The following UBE4A variants were observed in gnomAD, a reference collection of about 807,000 sequenced individuals.
UBE4A encodes ubiquitination factor E4A, also known as ubiquitin conjugation factor E4 A.
In UBE4A, 48 loss-of-function variants were observed where a neutral mutation model predicts 117.9. That is an observed-to-expected ratio of 0.41 (90% confidence interval 0.32 to 0.52). The LOEUF is 0.52. Ranked by LOEUF, UBE4A falls within the 20% of genes least tolerant of loss-of-function variation. The pLI is 0.33. For synonymous variants in UBE4A, 407 were observed against 450.0 expected (o/e 0.90, Z 1.21); for missense variants, 1,067 against 1,296.3 (o/e 0.82, Z 2.72).
rs1172308958 is a variant in UBE4A at position 118,384,581 on chromosome 11, C to T, written c.2198-54C>T. ...GCAAATGGCTACACATAAGCATAAA[C>T]TCTTCCTCTTATGGCACCGCCTTTG... On this transcript the variant is annotated intron_variant, in intron 13 of 19. Transcript: ENST00000252108. 37 of 1,508,860 alleles carry T rather than the reference C, an allele frequency of 2.5e-5. No homozygotes were observed. In the Middle Eastern group the frequency reaches 5.1e-4, roughly 21 times the overall value. 93.5% of individuals were successfully genotyped at this position (1,508,860 alleles called of 1,614,324 possible). A position where few individuals can be genotyped will look rare whatever the true frequency, so the allele number is the denominator to read the frequency against.
At chr11:118,392,208 G>A (rs1292520048) in intron 18 of UBE4A, among the ~76,000 whole-genome samples, 3 of 152,120 alleles carry the variant, frequency 2.0e-5, no homozygotes, top group East Asian at 3.9e-4. Context: ...TATTGAGTTG[G>A]ACTTCATCTT....
At position 118,376,578 on chromosome 11, in the gene UBE4A, G is replaced by A; in HGVS notation, c.1455G>A (p.Leu485=). The change falls in exon 10 of 20, where the codon TTG becomes TTA. Residue 485 remains leucine, a synonymous_variant. Transcript: ENST00000252108. ...TTTTTTTTTAACTTCTTTGAGGTTT[G>A]GACAAAGAAACCTGTTTGATCCCAG... ...RKIKNVHMRG[L]DKETCLIPAV... The A allele has an allele frequency of 6.2e-7, 1 of 1,611,238 alleles. No individual in the cohort carries two copies. Among genetic ancestry groups the A allele is most frequent in the Non-Finnish European group, 8.5e-7 (1 of 1,178,960 alleles).
At chr11:118,392,184 T>G (rs1338136539) in intron 18 of UBE4A, among the ~76,000 whole-genome samples, 2 of 152,218 alleles carry the variant, frequency 1.3e-5, no homozygotes, top group African/African-American at 2.4e-5. Flanking sequence ...CTTCCCTCTA[T>G]TGAGTTTCTT....
intron 18 of UBE4A, among the ~76,000 whole-genome samples, chr11:118,392,122 G>A (rs1948824826): frequency 6.6e-6 from 1 of 152,156 alleles, no homozygotes; most frequent in Non-Finnish European, 1.5e-5. Context: ...GTAAGAAGAA[G>A]GAAGATCATG....
intron 19 of UBE4A, 124 bp from the exon 20 acceptor site, chr11:118,396,190 T>G (rs1948870788): frequency 4.9e-6 from 6 of 1,233,524 alleles, no homozygotes; most frequent in Non-Finnish European, 6.5e-6. Flanking sequence ...ACTCGGCATT[T>G]GACTCAAAGT....
chr11:118,368,923 G>GAGTTCCAGGGAGT, intron 3 of UBE4A, 119 bp downstream of exon 3: 1 of 997,724 alleles, frequency 1.0e-6, no homozygotes, highest in Non-Finnish European at 1.5e-6. Context: ...TGCACTCCCT[G>GAGTTCCAGGGAGT]GAACTCAGGG....
intron 1 of UBE4A, among the ~76,000 whole-genome samples, chr11:118,360,836 C>G (rs1015129502): frequency 6.6e-5 from 10 of 152,014 alleles, no homozygotes; most frequent in African/African-American, 2.4e-4. Flanking sequence ...AACTTGTTTT[C>G]AAGGAGGATA....
chr11:118,384,965 AAAAG>A lies in UBE4A; in HGVS notation c.2412+22_2412+25del, dbSNP rs782720691. On this transcript the variant is annotated intron_variant, in intron 15 of 19. Transcript: ENST00000252108. The stretch of plus-strand genomic sequence containing the variant: ...ATACAGGTAAAAAAAAAAAAAAAAA[AAAAG>A]ATTTAACTTCTCCATACCATCAAAT... 2.2e-4 allele frequency: 339 copies of A among 1,518,976 alleles called. No homozygotes were observed. Among genetic ancestry groups the A allele is most frequent in the Non-Finnish European group, 2.6e-4 (295 of 1,113,912 alleles). 94.1% of individuals were successfully genotyped at this position (1,518,976 alleles called of 1,614,324 possible).
chr11:118,388,330 C>T (rs1288119169), intron 16 of UBE4A, among the ~76,000 whole-genome samples: 1 of 152,084 alleles, frequency 6.6e-6, no homozygotes, highest in Non-Finnish European at 1.5e-5. Flanking sequence ...TGCCCTATAA[C>T]ATAGCAGTTC....
At chr11:118,360,046 G>A (rs1015754128) in intron 1 of UBE4A, among the ~76,000 whole-genome samples, 3 of 152,194 alleles carry the variant, frequency 2.0e-5, no homozygotes, top group African/African-American at 7.2e-5. Flanking sequence ...AAAATATAAA[G>A]AGTAGATAAC....
chr11:118,385,011 A>G, intron 15 of UBE4A, 66 bp downstream of exon 15: 1 of 1,412,016 alleles, frequency 7.1e-7, no homozygotes. Context: ...CAGTACATAC[A>G]TTTTACCTTT....
chr11:118,395,458 G>A (rs1368610974), intron 19 of UBE4A, among the ~76,000 whole-genome samples: 1 of 152,158 alleles, frequency 6.6e-6, no homozygotes, highest in Non-Finnish European at 1.5e-5. Context: ...TTATGTATAG[G>A]CCAAGACAGT....
chr11:118,369,532 G>T lies in UBE4A; in HGVS notation c.405G>T (p.Glu135Asp), dbSNP rs150311731. The T allele has an allele frequency of 1.9e-6, 3 of 1,613,132 alleles. No homozygotes were observed. The African/African-American group carries it at 4.0e-5, about 22-fold the overall frequency. The change falls in exon 4 of 20, where the codon GAG becomes GAT. Residue 135 changes from glutamate to aspartate, a missense_variant. Physicochemically the swap from Glu to Asp is conservative, Grantham distance 45 (BLOSUM62 2). This residue lies in a region of UBE4A where 1,001 missense variants were observed against 1,184.0 expected (regional missense o/e 0.85). Coordinates refer to ENST00000252108, the MANE Select transcript of UBE4A (RefSeq NM_001204077.2). ...ACTGGCTTGATATGAGCAATGTTGAGCAGGTAATATTCTTACGTTCCTAAT... is the reference window on the plus strand; with the variant it reads ...ACTGGCTTGATATGAGCAATGTTGATCAGGTAATATTCTTACGTTCCTAAT... ...DQDWLDMSNV[E>D]QALFARLLLQ... is the part of the protein sequence containing the mutation.
In UBE4A at chr11:118,371,603, A is replaced by C. The variant is rs879101447; in HGVS notation, c.498A>C (p.Arg166=). Residue 166 remains arginine, a synonymous_variant, in exon 5 of 20, where the codon CGA becomes CGC. Transcript: ENST00000252108. ...SSTTLNLSAD[R]DAGERHIFCY... ...CAACGCTAAATCTCTCTGCTGATCG[A>C]GATGCAGGAGAGAGGCACATTTTTT... 1.2e-6 allele frequency: 2 copies of C among 1,614,006 alleles called. No homozygotes were observed. The highest frequency in any genetic ancestry group is 2.2e-5 in the South Asian group (2 of 91,086).
chr11:118,395,842 A>G (rs1948866096), intron 19 of UBE4A, among the ~76,000 whole-genome samples: 1 of 152,196 alleles, frequency 6.6e-6, no homozygotes, highest in African/African-American at 2.4e-5. Flanking sequence ...TGGGAGGCCA[A>G]GGCTGGTGGA....
At chr11:118,369,619 C>A in intron 4 of UBE4A, 84 bp downstream of exon 4, 1 of 902,634 alleles carries the variant, frequency 1.1e-6, no homozygotes, top group South Asian at 1.5e-5. Flanking sequence ...CCAACTTATG[C>A]TTGTGTCCAT....
At chr11:118,362,940 C>T (rs1253993857) in intron 1 of UBE4A, among the ~76,000 whole-genome samples, 2 of 152,106 alleles carry the variant, frequency 1.3e-5, no homozygotes, top group Non-Finnish European at 2.9e-5. Context: ...ACTGGTCAGC[C>T]TCTTCTGGAT....
chr11:118,372,459 C>G, intron 5 of UBE4A, 48 bp from the exon 6 acceptor site: 8 of 1,555,086 alleles, frequency 5.1e-6, no homozygotes, highest in Non-Finnish European at 6.9e-6. Context: ...ACTTTCGTTC[C>G]AGATTACAGA....
intron 11 of UBE4A, among the ~76,000 whole-genome samples, chr11:118,380,690 A>G (rs183949906): frequency 2.6e-5 from 4 of 152,204 alleles, no homozygotes; most frequent in African/African-American, 7.2e-5. Flanking sequence ...CAAGCTGTCA[A>G]TCAGGGCCTT....
Sources: gnomAD v4.1 joint callset for allele counts (sites outside exome capture counted in the v4.1 genomes callset) on GRCh38, gnomAD v4.1.1 for gene constraint, gnomAD v4.1.1 regional missense constraint, MANE v1.5 for transcripts, NCBI Gene and HGNC (gene_info 2026-07-23, HGNC 2026-07-21) for gene names.